Variants in ENPEP observed in about 807,000 individuals in gnomAD.
ENPEP encodes the protein glutamyl aminopeptidase.
In ENPEP, 103 loss-of-function variants were observed where a neutral mutation model predicts 114.5. The observed-to-expected ratio is 0.90, with a 90% confidence interval of 0.77 to 1.06. The LOEUF (loss-of-function observed/expected upper bound fraction) is 1.06, where lower values mean the gene tolerates loss of function less well. Ranked by LOEUF, ENPEP falls within the 50% of genes least tolerant of loss-of-function variation. The pLI is 0.00. For synonymous variants in ENPEP, 420 were observed against 422.0 expected (o/e 1.00, Z 0.06); for missense variants, 1,196 against 1,161.3 (o/e 1.03, Z -0.43).
intron 6 of ENPEP, 58 bp from the exon 7 acceptor site, chr4:110,513,357 G>T: frequency 1.3e-6 from 2 of 1,530,706 alleles, no homozygotes; most frequent in East Asian, 2.3e-5. Context: ...TGGTATTTTA[G>T]TTTATAAACT....
intron 11 of ENPEP, chr4:110,533,437 A>T (rs1726482094): frequency 6.9e-6 from 1 of 144,888 alleles, no homozygotes; most frequent in Non-Finnish European, 1.5e-5. Context: ...AAAAAAAAAA[A>T]GCAATCCTAA....
intron 13 of ENPEP, 113 bp downstream of exon 13, chr4:110,543,183 A>C: frequency 9.9e-7 from 1 of 1,011,494 alleles, no homozygotes; most frequent in Non-Finnish European, 1.5e-6. Flanking sequence ...AAATATCCAA[A>C]GCCACTATTT....
chr4:110,521,599 G>A (rs1725992035), intron 10 of ENPEP, among the ~76,000 whole-genome samples: 1 of 151,920 alleles, frequency 6.6e-6, no homozygotes, highest in South Asian at 2.1e-4. Flanking sequence ...TTTATAAGAT[G>A]CATAATTAAG....
At chr4:110,479,733 G>A (rs1415379297) in intron 1 of ENPEP, among the ~76,000 whole-genome samples, 7 of 152,206 alleles carry the variant, frequency 4.6e-5, no homozygotes, top group Admixed American at 1.3e-4. Flanking sequence ...AAGTGAAAGC[G>A]AGTCAAGACT....
rs749893030 is a variant in ENPEP at position 110,515,428 on chromosome 4, CA to C, written c.1500del (p.Gly501AspfsTer31). Reference sequence around the variant, plus strand: ...AGACTGGATAAAACCAGAGAATTTTCAAAAAGGATGTCAGGTATGATTTATT... The same window carrying C: ...AGACTGGATAAAACCAGAGAATTTTCAAAAGGATGTCAGGTATGATTTATT... ...LEDWIKPENFQKGCQMYLEKY... is the reference protein window; with the variant it reads ...LEDWIKPENFXKGCQMYLEKY... On this transcript the variant is annotated frameshift_variant, in exon 8 of 20. Transcript: ENST00000265162. LOFTEE classifies it high-confidence loss of function. 1.9e-6 allele frequency: 3 copies of C among 1,588,740 alleles called. No individual in the cohort carries two copies. The highest frequency in any genetic ancestry group is 4.5e-5 in the East Asian group (2 of 44,482).
At chr4:110,484,760 ATATAT>A (rs896460805) in intron 1 of ENPEP, among the ~76,000 whole-genome samples, 8 of 115,112 alleles carry the variant, frequency 6.9e-5, no homozygotes, top group Non-Finnish European at 1.1e-4. Flanking sequence ...TATTTTATAT[ATATAT>A]TATATTATAT....
rs139181881 is a variant in ENPEP at position 110,476,932 on chromosome 4, C to A, written c.518C>A (p.Ala173Glu). ...AAGCAGGAGTACGTGGTGGTCGAGG[C>A]GGAGGAAGAGCTTACCCCCAGCAGT... The part of the protein sequence containing the change: ...YKKQEYVVVE[A>E]EEELTPSSGD... Residue 173 changes from alanine to glutamate, a missense_variant, in exon 1 of 20, where the codon GCG becomes GAG. Ala to Glu is a moderately radical substitution (Grantham distance 107). Transcript: ENST00000265162. The A allele has an allele frequency of 2.4e-5, 38 of 1,613,984 alleles. No homozygotes were observed. The African/African-American group carries it at 2.8e-4, about 12-fold the overall frequency.
Position 110,549,381 on chromosome 4 carries a change from T to C in ENPEP, c.2187T>C (p.Asp729=), listed in dbSNP as rs755129261. 3.1e-6 allele frequency: 5 copies of C among 1,613,272 alleles called. No individual in the cohort carries two copies. The East Asian group carries it at 1.1e-4, about 36-fold the overall frequency. ...AAGGTCAAGTGAAGCCTATTGCAGA[T>C]TCTCTGGGATGGAATGATGCTGGAG... ...YFQGQVKPIA[D]SLGWNDAGDH... is the part of the protein sequence containing the mutation. The change falls in exon 15 of 20, where the codon GAT becomes GAC. Residue 729 remains aspartate, a synonymous_variant. Transcript: ENST00000265162.
intron 3 of ENPEP, among the ~76,000 whole-genome samples, chr4:110,502,971 T>C: frequency 6.6e-6 from 1 of 152,076 alleles, no homozygotes; most frequent in Non-Finnish European, 1.5e-5. Flanking sequence ...TTGTTACATA[T>C]GTATACATGT....
At position 110,509,298 on chromosome 4, in the gene ENPEP, A is replaced by C. The variant is rs544649338; in HGVS notation, c.1040-355A>C. On this transcript the variant is annotated intron_variant, in intron 4 of 19. Coordinates refer to ENST00000265162, the MANE Select transcript of ENPEP (RefSeq NM_001977.4). Reference sequence around the variant, plus strand: ...ACACTTGGAAGCTCAGAACTTCTAAATACTAATTTGAAAACTTCTCTTTTT... The same window carrying C: ...ACACTTGGAAGCTCAGAACTTCTAACTACTAATTTGAAAACTTCTCTTTTT... 7.4e-4 allele frequency among the ~76,000 whole-genome samples: 113 copies of C among 152,376 alleles called. 1 individual carries two copies. The highest frequency in any genetic ancestry group is 2.4e-3 in the African/African-American group (98 of 41,596).
intron 19 of ENPEP, among the ~76,000 whole-genome samples, chr4:110,560,185 T>C (rs1313811781): frequency 2.0e-5 from 3 of 152,208 alleles, no homozygotes; most frequent in African/African-American, 7.2e-5. Flanking sequence ...CTTTATCCAG[T>C]CCATCATTGA....
chr4:110,492,982 A>G (rs1019050084), intron 3 of ENPEP, among the ~76,000 whole-genome samples: 3 of 152,244 alleles, frequency 2.0e-5, no homozygotes, highest in Non-Finnish European at 4.4e-5. Flanking sequence ...GAGGAAACAG[A>G]AAGGCTAAGC....
chr4:110,529,883 G>A (rs1368422287), intron 10 of ENPEP, among the ~76,000 whole-genome samples: 1 of 151,570 alleles, frequency 6.6e-6, no homozygotes, highest in Non-Finnish European at 1.5e-5. Context: ...AGACCAACCT[G>A]GCCAACATAG....
At chr4:110,552,736 A>G in intron 17 of ENPEP, among the ~76,000 whole-genome samples, 1 of 152,188 alleles carries the variant, frequency 6.6e-6, no homozygotes. Flanking sequence ...ATGGCATACA[A>G]TTAAACCTAT....
chr4:110,558,491 C>T (rs994857284), intron 18 of ENPEP, among the ~76,000 whole-genome samples: 37 of 151,948 alleles, frequency 2.4e-4, no homozygotes, highest in Admixed American at 6.5e-4. Context: ...TATGGGGTTT[C>T]ACCATGTTGC....
In ENPEP at chr4:110,563,303, G is replaced by A. The variant is rs2110408053; in HGVS notation, c.*1745G>A. The A allele has an allele frequency of 6.6e-6, 1 of 152,160 alleles. No homozygotes were observed. The highest frequency in any genetic ancestry group is 1.9e-4 in the East Asian group (1 of 5,184). 9.4% of individuals were successfully genotyped at this position (152,160 alleles called of 1,614,324 possible). ...TAAAAGAAAAATGTTAGTTTAAGGG[G>A]GTGGTAAATAAAACAGATTTCAACT... On this transcript the variant is annotated 3_prime_UTR_variant, in exon 20 of 20. Coordinates refer to ENST00000265162, the MANE Select transcript of ENPEP (RefSeq NM_001977.4).
chr4:110,511,005 C>T lies in ENPEP; in HGVS notation c.1308+647C>T, dbSNP rs188001872. Among the ~76,000 whole-genome samples, 61 of 151,876 alleles carry T rather than the reference C, an allele frequency of 4.0e-4. 1 individual carries two copies. The highest frequency in any genetic ancestry group is 1.1e-3 in the African/African-American group (45 of 41,380). The stretch of plus-strand genomic sequence containing the variant: ...GCCTGGAATAGAAACTTTTATGAAC[C>T]CTAAAATTTTTTTTCAGAAAAGCTA... On this transcript the variant is annotated intron_variant, in intron 6 of 19. Transcript: ENST00000265162.
intron 7 of ENPEP, 101 bp from the exon 8 acceptor site, chr4:110,515,276 C>A: frequency 1.0e-6 from 1 of 990,030 alleles, no homozygotes; most frequent in Admixed American, 2.4e-5. Context: ...GAACTAATCT[C>A]ACAAATATGA....
chr4:110,482,136 A>G (rs1724332656), intron 1 of ENPEP, among the ~76,000 whole-genome samples: 1 of 152,206 alleles, frequency 6.6e-6, no homozygotes, highest in South Asian at 2.1e-4. Context: ...GAAAGAGTTA[A>G]CTCAACCATC....
Sources: allele counts gnomAD v4.1 joint callset (sites outside exome capture counted in the v4.1 genomes callset), GRCh38; gene constraint gnomAD v4.1.1; transcripts MANE v1.5; gene names NCBI Gene and HGNC (gene_info 2026-07-23, HGNC 2026-07-21).